Variants in CLYBL observed in about 807,000 individuals in gnomAD.
CLYBL encodes the protein citramalyl-CoA lyase.
A neutral mutation model predicts 38.9 loss-of-function variants in CLYBL; 31 were observed. The observed-to-expected ratio is 0.80, with a 90% CI of 0.60 to 1.08. The LOEUF (loss-of-function observed/expected upper bound fraction) is 1.08, where lower values mean the gene tolerates loss of function less well. Ranked by LOEUF, CLYBL falls within the 50% of genes least tolerant of loss-of-function variation. The pLI, the probability that CLYBL is intolerant of heterozygous loss-of-function variation, is 0.00. For missense variants in CLYBL, 434 were observed against 411.6 expected (o/e 1.05, Z -0.47); for synonymous variants, 171 against 158.6 (o/e 1.08, Z -0.59).
rs767108553 is a variant in CLYBL, at chr13:99,637,962, C to CTTATTTTTTT, written c.62+31207_62+31208insATTTTTTTTT. ...ATCTAGTTATCCAAGTCAACAGTGC[C>CTTATTTTTTT]TTTTTTTTTTTTTTTTTTTGAGACA... On this transcript the variant is annotated intron_variant, in intron 1 of 8. Transcript: ENST00000339105. Among the ~76,000 whole-genome samples the CTTATTTTTTT allele has an allele frequency of 1.3e-4, 12 of 94,996 alleles. 1 individual carries two copies. The highest frequency in any genetic ancestry group is 4.3e-4 in the African/African-American group (11 of 25,568). The allele number at this position is 94,996 out of a possible 152,430, so 62.3% of individuals were successfully genotyped here. A position where few individuals can be genotyped will look rare whatever the true frequency, so the allele number is the denominator to read the frequency against.
intron 1 of CLYBL, among the ~76,000 whole-genome samples, chr13:99,633,209 TCAAAAAAA>T (rs1566594091): frequency 3.8e-5 from 1 of 26,554 alleles, no homozygotes; most frequent in Admixed American, 6.0e-4. Flanking sequence ...AGATCCTGTC[TCAAAAAAA>T]AAAAAAAAAA....
intron 1 of CLYBL, among the ~76,000 whole-genome samples, chr13:99,696,263 T>C (rs958613470): frequency 6.6e-6 from 1 of 151,552 alleles, no homozygotes; most frequent in Non-Finnish European, 1.5e-5. Context: ...CGAGTCTTAC[T>C]CTGTTGCCTA....
intron 1 of CLYBL, among the ~76,000 whole-genome samples, chr13:99,666,628 G>C (rs2047485729): frequency 6.6e-6 from 1 of 152,152 alleles, no homozygotes; most frequent in Non-Finnish European, 1.5e-5. Flanking sequence ...CATTTGCAGA[G>C]TGGCTTGGAA....
intron 2 of CLYBL, among the ~76,000 whole-genome samples, chr13:99,858,224 C>G (rs1814017861): frequency 6.6e-6 from 1 of 152,176 alleles, no homozygotes; most frequent in African/African-American, 2.4e-5. Flanking sequence ...AAGTATTTGT[C>G]AAGCACTTCA....
At chr13:99,859,797 C>T (rs186862472) in intron 3 of CLYBL, among the ~76,000 whole-genome samples, 4 of 152,218 alleles carry the variant, frequency 2.6e-5, no homozygotes, top group Admixed American at 2.6e-4. Context: ...ATTTGAGGGT[C>T]GCTATTATTC....
At chr13:99,823,565 CAGACT>C (rs933113164) in intron 2 of CLYBL, among the ~76,000 whole-genome samples, 4 of 152,198 alleles carry the variant, frequency 2.6e-5, no homozygotes, top group African/African-American at 4.8e-5. Flanking sequence ...GTAGCATTTT[CAGACT>C]AGCTTTTAAA....
At chr13:99,806,431 A>T (rs955940203) in intron 2 of CLYBL, among the ~76,000 whole-genome samples, 2 of 152,140 alleles carry the variant, frequency 1.3e-5, no homozygotes, top group Admixed American at 1.3e-4. Context: ...ATTTTGTCTC[A>T]TTACACCTTT....
At chr13:99,665,394 G>A (rs1054919684) in intron 1 of CLYBL, among the ~76,000 whole-genome samples, 1 of 151,802 alleles carries the variant, frequency 6.6e-6, no homozygotes, top group African/African-American at 2.4e-5. Context: ...AATATTTTTT[G>A]TAATAGTTTC....
At chr13:99,706,165 CG>C (rs980604727) in intron 1 of CLYBL, among the ~76,000 whole-genome samples, 5 of 152,048 alleles carry the variant, frequency 3.3e-5, no homozygotes, top group African/African-American at 1.2e-4. Context: ...CTCCTAACCT[CG>C]TGATCCACCC....
intron 1 of CLYBL, among the ~76,000 whole-genome samples, chr13:99,696,772 C>T (rs1214629895): frequency 1.3e-5 from 1 of 74,146 alleles, no homozygotes; most frequent in Admixed American, 1.5e-4. Context: ...TAGCAAGACC[C>T]CATCTCTACC....
intron 2 of CLYBL, among the ~76,000 whole-genome samples, chr13:99,796,836 A>C (rs1221442623): frequency 6.6e-6 from 1 of 152,090 alleles, no homozygotes; most frequent in Non-Finnish European, 1.5e-5. Context: ...GGGTACAAGC[A>C]AAAGTGGGCA....
At chr13:99,824,319 T>C (rs946211768) in intron 2 of CLYBL, among the ~76,000 whole-genome samples, 5 of 134,120 alleles carry the variant, frequency 3.7e-5, no homozygotes, top group African/African-American at 1.4e-4. Context: ...CTCACTTCAT[T>C]AGTTGAGCAT....
At chr13:99,753,471 G>T (rs7994744) in intron 1 of CLYBL, among the ~76,000 whole-genome samples, 25,581 of 152,038 alleles carry the variant, frequency 0.17, 2,999 homozygotes, top group East Asian at 0.37. Flanking sequence ...CACAGTTAAC[G>T]CCCATGTATG....
intron 2 of CLYBL, among the ~76,000 whole-genome samples, chr13:99,774,427 G>A (rs1042297365): frequency 2.0e-5 from 3 of 152,056 alleles, no homozygotes; most frequent in African/African-American, 7.2e-5. Context: ...CATTTGCATG[G>A]AACTTTTAAA....
rs1017470895 is a variant in CLYBL, at chr13:99,673,276, G to C, written c.62+66519G>C. On this transcript the variant is annotated intron_variant, in intron 1 of 8. Coordinates refer to ENST00000339105, the MANE Select transcript of CLYBL (RefSeq NM_206808.5). ...AAAAATACAAAAATTAGCCGGGCAT[G>C]GTGGCGCACACCTGTAATCCCAGCT... Among the ~76,000 whole-genome samples, 9 of 152,094 alleles carry C rather than the reference G, an allele frequency of 5.9e-5. No individual in the cohort carries two copies. In the East Asian group the frequency reaches 1.7e-3, roughly 29 times the overall value.
chr13:99,637,806 T>C (rs968790955), intron 1 of CLYBL, among the ~76,000 whole-genome samples: 3 of 152,188 alleles, frequency 2.0e-5, no homozygotes, highest in Non-Finnish European at 4.4e-5. Context: ...TGAATATATA[T>C]TTATGAATGA....
At chr13:99,819,203 G>T (rs956675921) in intron 2 of CLYBL, among the ~76,000 whole-genome samples, 4 of 150,996 alleles carry the variant, frequency 2.6e-5, no homozygotes, top group Non-Finnish European at 4.4e-5. Context: ...AAATTAGCCA[G>T]GTATGGTAGC....
intron 1 of CLYBL, among the ~76,000 whole-genome samples, chr13:99,679,807 G>A (rs1041344992): frequency 1.3e-5 from 2 of 152,012 alleles, no homozygotes; most frequent in African/African-American, 2.4e-5. Context: ...TAATTACATA[G>A]AAAATGCCAC....
chr13:99,753,012 T>G (rs1008500483), intron 1 of CLYBL, among the ~76,000 whole-genome samples: 1 of 151,890 alleles, frequency 6.6e-6, no homozygotes, highest in Non-Finnish European at 1.5e-5. Flanking sequence ...GGAGGGGGCA[T>G]GGGGAAGGTC....
Sources: allele counts gnomAD v4.1 joint callset (sites outside exome capture counted in the v4.1 genomes callset), GRCh38; gene constraint gnomAD v4.1.1; transcripts MANE v1.5; gene names NCBI Gene and HGNC (gene_info 2026-07-23, HGNC 2026-07-21).